The following CAMTA1 variants were observed in gnomAD, a reference collection of about 807,000 sequenced individuals.
The protein encoded by CAMTA1 is calmodulin binding transcription activator 1, also known as calmodulin-binding transcription activator 1.
In CAMTA1, 27 loss-of-function variants were observed where a neutral mutation model predicts 170.9. The ratio of observed to expected loss-of-function variants is 0.16; its 90% CI spans 0.12 to 0.22. CAMTA1 has a LOEUF of 0.22. Ranked by LOEUF, CAMTA1 falls within the 10% of genes least tolerant of loss-of-function variation. The pLI, the probability that CAMTA1 is intolerant of heterozygous loss-of-function variation, is 1.00. For synonymous variants in CAMTA1, 833 were observed against 891.5 expected (o/e 0.93, Z 1.17); for missense variants, 1,619 against 2,217.2 (o/e 0.73, Z 5.42).
chr1:7,595,289 G>A (rs1295024451), intron 6 of CAMTA1, among the ~76,000 whole-genome samples: 2 of 152,204 alleles, frequency 1.3e-5, no homozygotes, highest in African/African-American at 4.8e-5. Context: ...AACAAAGTCT[G>A]CATTTGAGTA....
At position 6,844,304 on chromosome 1, in the gene CAMTA1, A is replaced by G. The variant is rs569621226; in HGVS notation, c.234+19094A>G. Among the ~76,000 whole-genome samples the G allele has an allele frequency of 7.9e-5, 12 of 152,274 alleles. 1 individual carries two copies. The South Asian group carries it at 2.5e-3, about 32-fold the overall frequency. On this transcript the variant is annotated intron_variant, in intron 3 of 22. Coordinates refer to ENST00000303635, the MANE Select transcript of CAMTA1 (RefSeq NM_015215.4). Reference sequence around the variant, plus strand: ...TCTTTCTTGATGACAGGTGTGATACACATGCACACATACACACAAATATAT... The same window carrying G: ...TCTTTCTTGATGACAGGTGTGATACGCATGCACACATACACACAAATATAT...
At chr1:7,351,367 C>T (rs1352318966) in intron 5 of CAMTA1, among the ~76,000 whole-genome samples, 4 of 152,240 alleles carry the variant, frequency 2.6e-5, no homozygotes, top group Non-Finnish European at 4.4e-5. Flanking sequence ...CCGCCAGGCT[C>T]CTGAGCCGGC....
intron 6 of CAMTA1, among the ~76,000 whole-genome samples, chr1:7,545,670 T>C (rs2094682047): frequency 6.6e-6 from 1 of 152,166 alleles, no homozygotes; most frequent in South Asian, 2.1e-4. Context: ...TTTCCAATTT[T>C]TTTTTTCTCT....
intron 5 of CAMTA1, among the ~76,000 whole-genome samples, chr1:7,322,688 A>G (rs1437032429): frequency 1.3e-5 from 2 of 152,264 alleles, no homozygotes; most frequent in Non-Finnish European, 2.9e-5. Flanking sequence ...GAGTTGGCAT[A>G]AAGATGTTTA....
At chr1:7,706,168 A>G (rs561912033) in intron 11 of CAMTA1, among the ~76,000 whole-genome samples, 9 of 152,272 alleles carry the variant, frequency 5.9e-5, no homozygotes, top group African/African-American at 1.2e-4. Flanking sequence ...TCCATTTTCT[A>G]TTTTGCCCAC....
intron 5 of CAMTA1, among the ~76,000 whole-genome samples, chr1:7,314,190 C>G (rs1677154421): frequency 6.6e-6 from 1 of 152,182 alleles, no homozygotes; most frequent in Admixed American, 6.5e-5. Flanking sequence ...ATCCAGAGCA[C>G]CCCTGGAATC....
rs544314934 is a variant in CAMTA1 at position 7,738,101 on chromosome 1, G to C, written c.3801G>C (p.Leu1267=). ...QEKLLPTALS[L]EEPNIRKQSP... ...AGCTGCTTCCCACTGCACTGAGTCT[G>C]GAAGAGCCAAATATCAGGAAGCAAA... The change falls in exon 16 of 23, where the codon CTG becomes CTC. Residue 1267 remains leucine, a synonymous_variant. Transcript: ENST00000303635. This position sits in a 1 kb window ranked among gnomAD's most constrained non-coding sequence, Gnocchi z 4.9. The C allele has an allele frequency of 1.2e-6, 2 of 1,614,154 alleles. No homozygotes were observed. The highest frequency in any genetic ancestry group is 2.2e-5 in the South Asian group (2 of 91,086).
At chr1:6,796,674 G>C (rs1020707703) in intron 1 of CAMTA1, among the ~76,000 whole-genome samples, 1 of 151,944 alleles carries the variant, frequency 6.6e-6, no homozygotes, top group Non-Finnish European at 1.5e-5. Flanking sequence ...CCTTGTATTG[G>C]ACTTAGGGTG....
chr1:7,645,632 C>T (rs2095797666), intron 7 of CAMTA1, among the ~76,000 whole-genome samples: 1 of 152,246 alleles, frequency 6.6e-6, no homozygotes, highest in Admixed American at 6.5e-5. Flanking sequence ...GCCCGGAAAT[C>T]AGCAGGCAGC....
intron 5 of CAMTA1, among the ~76,000 whole-genome samples, chr1:7,332,677 C>T (rs987151883): frequency 6.6e-6 from 1 of 152,146 alleles, no homozygotes; most frequent in Non-Finnish European, 1.5e-5. Context: ...ATGGTGATGT[C>T]GCTAATGAGC....
intron 3 of CAMTA1, among the ~76,000 whole-genome samples, chr1:7,012,866 G>A (rs149747387): frequency 1.3e-3 from 200 of 152,188 alleles, no homozygotes; most frequent in African/African-American, 1.7e-3. Flanking sequence ...TGGACTTCCC[G>A]TCTGAGCTCC....
chr1:7,694,274 G>A (rs2096350709), intron 11 of CAMTA1: 1 of 152,186 alleles, frequency 6.6e-6, no homozygotes, highest in Non-Finnish European at 1.5e-5. Context: ...CAGATCTTAT[G>A]TAGTATTCAG....
intron 3 of CAMTA1, among the ~76,000 whole-genome samples, chr1:7,027,071 T>A (rs1702122177): frequency 6.6e-6 from 1 of 152,284 alleles, no homozygotes; most frequent in South Asian, 2.1e-4. Context: ...CTGGGATTCA[T>A]GTGAACCATG....
intron 3 of CAMTA1, among the ~76,000 whole-genome samples, chr1:6,977,454 C>T (rs1024918435): frequency 1.3e-5 from 2 of 152,114 alleles, no homozygotes; most frequent in Non-Finnish European, 2.9e-5. Flanking sequence ...AATTCTCCAG[C>T]CTCAGCCTCC....
rs34493681 is a variant in CAMTA1, at chr1:7,234,788, CTTT to C, written c.303-14688_303-14686del. 7.3e-6 allele frequency among the ~76,000 whole-genome samples: 1 copy of C among 136,394 alleles called. No homozygotes were observed. 89.5% of individuals were successfully genotyped at this position (136,394 alleles called of 152,430 possible). On this transcript the variant is annotated intron_variant, in intron 4 of 22. Transcript: ENST00000303635. The surrounding 1 kb of genome is among the most constrained non-coding windows in gnomAD (Gnocchi z 5.0). The stretch of plus-strand genomic sequence containing the variant: ...GGGAAATTGGAAAATACAAGTTGAC[CTTT>C]TTTTTTTTTTTTTTAGATAGAGTCT...
chr1:7,593,437 G>A (rs2095369574), intron 6 of CAMTA1, among the ~76,000 whole-genome samples: 1 of 151,714 alleles, frequency 6.6e-6, no homozygotes, highest in African/African-American at 2.4e-5. Context: ...CTGATCAAGG[G>A]TCGAGGAAGG....
At chr1:7,045,515 A>C (rs1413304721) in intron 3 of CAMTA1, among the ~76,000 whole-genome samples, 1 of 152,150 alleles carries the variant, frequency 6.6e-6, no homozygotes, top group Non-Finnish European at 1.5e-5. Context: ...AACTCTTTAA[A>C]CTTTATATAT....
intron 3 of CAMTA1, among the ~76,000 whole-genome samples, chr1:7,025,994 C>T (rs1701964549): frequency 6.6e-6 from 1 of 152,022 alleles, no homozygotes; most frequent in African/African-American, 2.4e-5. Flanking sequence ...ATGGCGGATG[C>T]CTGTGGTCCC....
intron 4 of CAMTA1, among the ~76,000 whole-genome samples, chr1:7,229,349 C>A (rs569265239): frequency 6.9e-6 from 1 of 144,140 alleles, no homozygotes; most frequent in Non-Finnish European, 1.5e-5. Context: ...GGCTGGACCA[C>A]GAGGCAGCTG....
Sources: gnomAD v4.1 joint callset for allele counts (sites outside exome capture counted in the v4.1 genomes callset) on GRCh38, gnomAD v4.1.1 for gene constraint, Gnocchi (gnomAD v3.1) non-coding constraint, MANE v1.5 for transcripts, NCBI Gene and HGNC (gene_info 2026-07-23, HGNC 2026-07-21) for gene names.